Variants in KPNA7 observed in about 807,000 individuals in gnomAD.
KPNA7 encodes karyopherin subunit alpha 7.
KPNA7 carries 54 observed loss-of-function variants against 53.7 expected under a neutral mutation model. The ratio of observed to expected loss-of-function variants is 1.01; its 90% CI spans 0.81 to 1.26. The LOEUF (loss-of-function observed/expected upper bound fraction) is 1.26, where lower values mean the gene tolerates loss of function less well. Among genes scored for constraint, KPNA7 ranks in the 50% most tolerant of loss-of-function variants. KPNA7 has a pLI of 0.00. For missense variants in KPNA7, 640 were observed against 644.5 expected (o/e 0.99, Z 0.07); for synonymous variants, 276 against 259.3 (o/e 1.06, Z -0.62).
At chr7:99,204,035 C>T (rs1413768682) in intron 2 of KPNA7, among the ~76,000 whole-genome samples, 1 of 150,396 alleles carries the variant, frequency 6.6e-6, no homozygotes, top group Non-Finnish European at 1.5e-5. Flanking sequence ...TGAAACCTGT[C>T]TATAAGCCAT....
chr7:99,152,440 C>G, the KPNA7 span, among the ~76,000 whole-genome samples: 1 of 151,844 alleles, frequency 6.6e-6, no homozygotes, highest in African/African-American at 2.4e-5. Context: ...CTGAACCATC[C>G]CTTTCTCTGT....
upstream of KPNA7, among the ~76,000 whole-genome samples, chr7:99,208,545 C>T (rs989185179): frequency 2.0e-5 from 3 of 150,608 alleles, no homozygotes; most frequent in South Asian, 4.2e-4. Flanking sequence ...CGTGAGCCAC[C>T]GTGCCCGGCC....
At chr7:99,171,893 G>A (rs1293435447), downstream of KPNA7, among the ~76,000 whole-genome samples, 2 of 152,210 alleles carry the variant, frequency 1.3e-5, no homozygotes, top group African/African-American at 2.4e-5. Flanking sequence ...AGAGGATGAG[G>A]ACAACTATTC....
chr7:99,200,656 G>A (rs555356678), intron 3 of KPNA7, among the ~76,000 whole-genome samples: 1 of 151,002 alleles, frequency 6.6e-6, no homozygotes, highest in South Asian at 2.1e-4. Flanking sequence ...ACCAAAAAGT[G>A]GAAACAACCC....
chr7:99,187,146 G>T lies in KPNA7; in HGVS notation c.900+1154C>A, dbSNP rs545045091. 3.1e-4 allele frequency among the ~76,000 whole-genome samples: 47 copies of T among 152,068 alleles called. No individual in the cohort carries two copies. The South Asian group carries it at 9.3e-3, about 30-fold the overall frequency. ...TACTAAAAATACAAAAATTAGCTGG[G>T]CGTGATGGTAGTGGGTGCCTGTGAT... On this transcript the variant is annotated intron_variant, in intron 7 of 10. Coordinates refer to ENST00000327442, the MANE Select transcript of KPNA7 (RefSeq NM_001145715.3).
Position 99,196,888 on chromosome 7 carries a change from T to G in KPNA7, c.202-722A>C, listed in dbSNP as rs150721342. 4.2e-4 allele frequency among the ~76,000 whole-genome samples: 64 copies of G among 152,310 alleles called. 1 individual carries two copies. The highest frequency in any genetic ancestry group is 2.4e-3 in the Admixed American group (36 of 15,296). Reference sequence around the variant, plus strand: ...GTATGAAAAGGCTTTTCCCTAAGAATGTTCATTGAAAACAGAGGAAGTTGT... The same window carrying G: ...GTATGAAAAGGCTTTTCCCTAAGAAGGTTCATTGAAAACAGAGGAAGTTGT... On this transcript the variant is annotated intron_variant, in intron 3 of 10. Transcript: ENST00000327442.
rs1332508105 is a variant in KPNA7, at chr7:99,193,008, A to T, written c.636+11T>A. On this transcript the variant is annotated intron_variant, in intron 6 of 10. Coordinates refer to ENST00000327442, the MANE Select transcript of KPNA7 (RefSeq NM_001145715.3). Reference sequence around the variant, plus strand: ...TTAAAAAAAAAAAAAGAGAAAGAAAAAGACACTTACCGGCAGGGTGGGTGA... The same window carrying T: ...TTAAAAAAAAAAAAAGAGAAAGAAATAGACACTTACCGGCAGGGTGGGTGA... 6.7e-7 allele frequency: 1 copy of T among 1,486,476 alleles called. No individual in the cohort carries two copies. 92.1% of individuals were successfully genotyped at this position (1,486,476 alleles called of 1,614,324 possible).
intron 8 of KPNA7, among the ~76,000 whole-genome samples, chr7:99,184,431 G>A (rs542323606): frequency 1.3e-5 from 2 of 152,200 alleles, no homozygotes; most frequent in Non-Finnish European, 2.9e-5. Flanking sequence ...CCAAAACGTC[G>A]GAATTACAGT....
chr7:99,188,195 A>AAAAAAAAAAAAAAG (rs779112006), intron 7 of KPNA7, 105 bp downstream of exon 7: 7 of 645,120 alleles, frequency 1.1e-5, no homozygotes, highest in African/African-American at 7.9e-5. Context: ...AAAAAAAAAA[A>AAAAAAAAAAAAAAG]AAAGCAAAGA....
At chr7:99,152,245 C>T in the KPNA7 span, among the ~76,000 whole-genome samples, 3 of 151,832 alleles carry the variant, frequency 2.0e-5, no homozygotes, top group African/African-American at 7.3e-5. Flanking sequence ...GCCTATAATC[C>T]CAGTTACACG....
rs58257703 is a variant in KPNA7, at chr7:99,190,335, C to CAAAAA, written c.637-1777_637-1773dup. 7.6e-3 allele frequency among the ~76,000 whole-genome samples: 752 copies of CAAAAA among 99,354 alleles called. 15 individuals are homozygous for CAAAAA. The highest frequency in any genetic ancestry group is 0.025 in the African/African-American group (729 of 29,040). 65.2% of individuals were successfully genotyped at this position (99,354 alleles called of 152,430 possible). ...CTGGTGACAGAGCAAGACTCTGTCT[C>CAAAAA]AAAAAAAAAAAAAAGCAGAAAAAAA... is the stretch of plus-strand genomic sequence containing the variant. On this transcript the variant is annotated intron_variant, in intron 6 of 10. Transcript: ENST00000327442.
chr7:99,187,799 TAAAAAAAAAAAAAAAAAAAA>T (rs55867906), intron 7 of KPNA7, among the ~76,000 whole-genome samples: 6 of 65,108 alleles, frequency 9.2e-5, no homozygotes, highest in African/African-American at 2.4e-4. Context: ...CCTTTTTTTT[TAAAAAAAAAAAAAAAAAAAA>T]AAAAAAAAAA....
intron 3 of KPNA7, among the ~76,000 whole-genome samples, chr7:99,196,927 T>A (rs987093092): frequency 1.3e-5 from 2 of 152,164 alleles, no homozygotes; most frequent in South Asian, 4.1e-4. Flanking sequence ...ACTTCACAGC[T>A]ACCTGAGAGG....
chr7:99,186,492 C>A (rs1789599143), intron 7 of KPNA7, among the ~76,000 whole-genome samples: 1 of 152,172 alleles, frequency 6.6e-6, no homozygotes, highest in African/African-American at 2.4e-5. Context: ...GAATTTACTT[C>A]TCCACTTTGG....
intron 7 of KPNA7, among the ~76,000 whole-genome samples, chr7:99,187,830 AAAAAAC>A (rs1789696435): frequency 2.3e-5 from 3 of 128,504 alleles, no homozygotes; most frequent in South Asian, 2.4e-4. Flanking sequence ...AAAAAAAAAA[AAAAAAC>A]CCACTAGGAT....
the KPNA7 span, among the ~76,000 whole-genome samples, chr7:99,158,074 T>A: frequency 6.6e-6 from 1 of 151,748 alleles, no homozygotes; most frequent in Non-Finnish European, 1.5e-5. Flanking sequence ...TTTATAGAGA[T>A]GAGTCTCCTT....
At chr7:99,212,508 T>C (rs12705051), upstream of KPNA7, among the ~76,000 whole-genome samples, 9,270 of 151,840 alleles carry the variant, frequency 0.061, 318 homozygotes, top group South Asian at 0.15. Flanking sequence ...CCCGCCTCGG[T>C]CCCCCAAAGT....
chr7:99,207,353 C>T (rs1489332311), intron 2 of KPNA7, 48 bp downstream of exon 2: 4 of 1,500,564 alleles, frequency 2.7e-6, no homozygotes, highest in Non-Finnish European at 3.6e-6. Context: ...GCTTTTTATG[C>T]AGATTGCACT....
chr7:99,209,325 G>A (rs1001635352), upstream of KPNA7, among the ~76,000 whole-genome samples: 1 of 152,058 alleles, frequency 6.6e-6, no homozygotes, highest in African/African-American at 2.4e-5. Flanking sequence ...GAATCCTTCA[G>A]TAGACTGCCT....
Sources: gnomAD v4.1 joint callset for allele counts (sites outside exome capture counted in the v4.1 genomes callset) on GRCh38, gnomAD v4.1.1 for gene constraint, MANE v1.5 for transcripts, NCBI Gene and HGNC (gene_info 2026-07-23, HGNC 2026-07-21) for gene names.